MYPN: variants seen among roughly 807,000 people sequenced by gnomAD.
The protein encoded by MYPN is sarcomeric protein myopalladin, 145 kDa (MYOP).
Under a neutral mutation model 129.4 loss-of-function variants are expected in MYPN, and 63 were observed. The ratio of observed to expected loss-of-function variants is 0.49; its 90% CI spans 0.40 to 0.60. The LOEUF is 0.60. Ranked by LOEUF, MYPN falls within the 20% of genes least tolerant of loss-of-function variation. The probability of loss-of-function intolerance (pLI) is 0.00; values close to 1 mark genes in which losing one functional copy is unlikely to be tolerated. For missense variants in MYPN, 1,596 were observed against 1,635.4 expected, an observed-to-expected ratio of 0.98 and a Z score of 0.42; for synonymous variants, 629 against 600.9, an observed-to-expected ratio of 1.05 and a Z score of -0.68.
rs550229299 is a variant in MYPN, at chr10:68,111,695, C to T, written c.-2+1972C>T. Among the ~76,000 whole-genome samples the T allele has an allele frequency of 5.3e-5, 8 of 152,290 alleles. No individual in the cohort carries two copies. The East Asian group carries it at 1.5e-3, about 29-fold the overall frequency. ...AACAAAGGTTGGTGGGACTATTTAC[C>T]TGCAGTAGCTATAGAGTTCTCAGAG... On this transcript the variant is annotated intron_variant, in intron 1 of 19. Transcript: ENST00000358913.
At chr10:68,116,194 A>G (rs1564644176) in intron 1 of MYPN, among the ~76,000 whole-genome samples, 1 of 152,234 alleles carries the variant, frequency 6.6e-6, no homozygotes, top group African/African-American at 2.4e-5. Flanking sequence ...TAGGGTACCT[A>G]TAAGAGCACT....
chr10:68,153,506 G>T (rs565307264), intron 6 of MYPN, among the ~76,000 whole-genome samples: 5 of 152,250 alleles, frequency 3.3e-5, no homozygotes, highest in South Asian at 2.1e-4. Context: ...GTGGGAAAAT[G>T]GTCCTTAGTA....
At position 68,166,335 on chromosome 10, in the gene MYPN, A is replaced by G; in HGVS notation, c.1642A>G (p.Asn548Asp). 2 of 1,614,056 alleles carry G rather than the reference A, an allele frequency of 1.2e-6. No individual in the cohort carries two copies. Among genetic ancestry groups the G allele is most frequent in the Non-Finnish European group, 1.7e-6 (2 of 1,180,010 alleles). ...LSNNGSLHSA[N>D]STTNLAAIEP... ...CAACAACGGGTCTCTTCACTCAGCC[A>G]ACTCTACCACCAACCTGGCAGCTAT... is the stretch of plus-strand genomic sequence containing the variant. Residue 548 changes from asparagine (N) to aspartate (D), a missense_variant, in exon 10 of 20, where the codon AAC becomes GAC. Coordinates refer to ENST00000358913, the MANE Select transcript of MYPN (RefSeq NM_032578.4).
At position 68,150,047 on chromosome 10, in the gene MYPN, G is replaced by A. The variant is rs1008949819; in HGVS notation, c.1253G>A (p.Ser418Asn). 6.2e-7 allele frequency: 1 copy of A among 1,613,414 alleles called. No individual in the cohort carries two copies. Among genetic ancestry groups the A allele is most frequent in the South Asian group, 1.1e-5 (1 of 91,076 alleles). ...TTGCTTCCCTTCTACCAGTGTCAGAGCCCCACCAATTACTTGCAGGGATTG... is the reference window on the plus strand; with the variant it reads ...TTGCTTCCCTTCTACCAGTGTCAGAACCCCACCAATTACTTGCAGGGATTG... The part of the protein sequence containing the change: ...PRVATIQQCQ[S>N]PTNYLQGLDG... Residue 418 changes from serine to asparagine, a missense_variant, in exon 6 of 20, where the codon AGC (serine) becomes AAC (asparagine). Transcript: ENST00000358913.
At chr10:68,182,432 T>C (rs971955195) in intron 12 of MYPN, among the ~76,000 whole-genome samples, 7 of 138,798 alleles carry the variant, frequency 5.0e-5, no homozygotes, top group Admixed American at 3.1e-4. Context: ...ATATAACACA[T>C]ATATATAACA....
chr10:68,123,239 G>C (rs897511035), intron 2 of MYPN, among the ~76,000 whole-genome samples: 3 of 152,072 alleles, frequency 2.0e-5, no homozygotes, highest in Non-Finnish European at 2.9e-5. Context: ...TTAGCCGGGC[G>C]TGGTAACAGG....
At chr10:68,186,048 T>C (rs770058899) in intron 12 of MYPN, among the ~76,000 whole-genome samples, 5 of 152,222 alleles carry the variant, frequency 3.3e-5, no homozygotes, top group Non-Finnish European at 5.9e-5. Context: ...ATTGTTAACT[T>C]TTCCCAAAAA....
chr10:68,197,621 C>A, intron 16 of MYPN, 143 bp downstream of exon 16: 4 of 929,850 alleles, frequency 4.3e-6, no homozygotes, highest in Non-Finnish European at 6.5e-6. Context: ...TTTTTTTCAT[C>A]ATAAGGCTTG....
rs765860079 is a variant in MYPN at position 68,148,412 on chromosome 10, C to G, written c.1190C>G (p.Ala397Gly). The G allele has an allele frequency of 6.2e-7, 1 of 1,614,168 alleles. No individual in the cohort carries two copies. Among genetic ancestry groups the G allele is most frequent in the South Asian group, 1.1e-5 (1 of 91,084 alleles). Residue 397 changes from alanine to glycine, a missense_variant, in exon 5 of 20, where the codon GCA (alanine) becomes GGA (glycine). Ala to Gly is a moderately conservative substitution (Grantham distance 60). Coordinates refer to ENST00000358913, the MANE Select transcript of MYPN (RefSeq NM_032578.4). ...ACTACCTCTGCAGTCATTCCTCCAGCAGTACCCCAAGCCCAGCATTTGGTG... is the reference window on the plus strand; with the variant it reads ...ACTACCTCTGCAGTCATTCCTCCAGGAGTACCCCAAGCCCAGCATTTGGTG... Reference protein sequence around the residue: ...PPTTSAVIPPAVPQAQHLVAQ... With the variant: ...PPTTSAVIPPGVPQAQHLVAQ...
chr10:68,167,866 G>T (rs1215159745), intron 10 of MYPN, among the ~76,000 whole-genome samples: 3 of 152,194 alleles, frequency 2.0e-5, no homozygotes, highest in Non-Finnish European at 2.9e-5. Flanking sequence ...GAGGGGAAGA[G>T]GTTATTGCAG....
intron 7 of MYPN, among the ~76,000 whole-genome samples, chr10:68,159,999 T>G (rs935345837): frequency 1.3e-5 from 2 of 152,310 alleles, no homozygotes; most frequent in Non-Finnish European, 2.9e-5. Context: ...TTTTTCTTAA[T>G]CTTTTTCTGC....
chr10:68,105,750 C>T (rs988232543), upstream of MYPN, among the ~76,000 whole-genome samples: 119 of 152,180 alleles, frequency 7.8e-4, no homozygotes, highest in African/African-American at 2.8e-3. Flanking sequence ...TTAATAAATG[C>T]CTTGACCATA....
At chr10:68,140,129 G>C (rs564106227) in intron 2 of MYPN, among the ~76,000 whole-genome samples, 1 of 152,232 alleles carries the variant, frequency 6.6e-6, no homozygotes, top group African/African-American at 2.4e-5. Context: ...TGGGGGAGGA[G>C]GGTTTCAGGC....
chr10:68,197,510 T>A, intron 16 of MYPN, 32 bp downstream of exon 16: 3 of 1,612,462 alleles, frequency 1.9e-6, no homozygotes, highest in Non-Finnish European at 2.5e-6. Context: ...TAGTTCCAGA[T>A]CTGTTCATAT....
Position 68,121,888 on chromosome 10 carries a change from T to A in MYPN, c.450T>A (p.Phe150Leu). Residue 150 changes from phenylalanine to leucine, a missense_variant, in exon 2 of 20, where the codon TTT (phenylalanine) becomes TTA (leucine). By Grantham distance (22) the Phe-to-Leu change is conservative (BLOSUM62 0). Transcript: ENST00000358913. ...YCSETQSKKV[F>L]LNKAADFIEE... The stretch of plus-strand genomic sequence containing the variant: ...CTGAAACCCAGTCCAAAAAAGTATT[T>A]TTAAATAAGGCTGCCGACTTCATTG... 1 of 1,614,168 alleles carries A rather than the reference T, an allele frequency of 6.2e-7. No individual in the cohort carries two copies.
At chr10:68,153,361 T>C (rs574145205) in intron 6 of MYPN, among the ~76,000 whole-genome samples, 2 of 152,368 alleles carry the variant, frequency 1.3e-5, no homozygotes, top group South Asian at 4.1e-4. Context: ...GTGATTCTGA[T>C]TAGCTCCTTC....
At chr10:68,119,384 AT>A (rs775167611) in intron 1 of MYPN, among the ~76,000 whole-genome samples, 18 of 111,174 alleles carry the variant, frequency 1.6e-4, no homozygotes, top group East Asian at 7.4e-4. Context: ...TTTGCATTTT[AT>A]TTTATTTATT....
At chr10:68,193,683 A>G (rs940629990) in intron 13 of MYPN, among the ~76,000 whole-genome samples, 4 of 152,182 alleles carry the variant, frequency 2.6e-5, no homozygotes, top group Admixed American at 2.0e-4. Context: ...TGGTTAGGTA[A>G]CCAGGAAAAG....
chr10:68,205,282 CACG>C (rs925455926), intron 18 of MYPN, among the ~76,000 whole-genome samples: 1 of 152,040 alleles, frequency 6.6e-6, no homozygotes, highest in Non-Finnish European at 1.5e-5. Context: ...GCATCTTTCC[CACG>C]ACATTACTCT....
Sources: allele counts gnomAD v4.1 joint callset (sites outside exome capture counted in the v4.1 genomes callset), GRCh38; gene constraint gnomAD v4.1.1; transcripts MANE v1.5; gene names NCBI Gene and HGNC (gene_info 2026-07-23, HGNC 2026-07-21).